PHACTR1: variants seen among roughly 807,000 people sequenced by gnomAD.
PHACTR1 encodes the protein RPEL repeat containing 1.
Under a neutral mutation model 69.2 loss-of-function variants are expected in PHACTR1, and 16 were observed. That is an observed-to-expected ratio of 0.23 (90% CI 0.16 to 0.35). The LOEUF is 0.35. PHACTR1 is among the 10% of genes least tolerant of loss of function. The probability of loss-of-function intolerance (pLI) is 1.00; values close to 1 mark genes in which losing one functional copy is unlikely to be tolerated. For missense variants in PHACTR1, 510 were observed against 734.7 expected (o/e 0.69, Z 3.54); for synonymous variants, 312 against 284.5 (o/e 1.10, Z -0.97).
chr6:13,199,383 CAAAAAAA>C (rs59070503), intron 7 of PHACTR1, among the ~76,000 whole-genome samples: 16 of 78,242 alleles, frequency 2.0e-4, no homozygotes, highest in Middle Eastern at 7.6e-3. Context: ...GAGTCCATCT[CAAAAAAA>C]AAAAAAAAAA....
intron 1 of PHACTR1, 72 bp downstream of exon 1, chr6:12,716,968 G>A (rs926909855): frequency 3.9e-5 from 6 of 151,942 alleles, no homozygotes; most frequent in African/African-American, 1.5e-4. Context: ...GCCGGGGATG[G>A]GGGTTGTGGG....
intron 4 of PHACTR1, among the ~76,000 whole-genome samples, chr6:12,781,153 C>A (rs781288303): frequency 6.6e-6 from 1 of 152,176 alleles, no homozygotes; most frequent in Non-Finnish European, 1.5e-5. Flanking sequence ...TCAATAAATT[C>A]TTTAAGTGGT....
At chr6:12,870,738 C>T (rs1318488005) in intron 4 of PHACTR1, among the ~76,000 whole-genome samples, 1 of 152,190 alleles carries the variant, frequency 6.6e-6, no homozygotes, top group Non-Finnish European at 1.5e-5. Flanking sequence ...CTAAGCCCAT[C>T]CTCATACTTC....
intron 4 of PHACTR1, among the ~76,000 whole-genome samples, chr6:13,017,002 C>G (rs1800271932): frequency 6.6e-6 from 1 of 152,066 alleles, no homozygotes; most frequent in Admixed American, 6.5e-5. Flanking sequence ...GCATGGCCCA[C>G]AGGATGAAAC....
At chr6:12,768,972 G>A (rs1769035010) in intron 4 of PHACTR1, among the ~76,000 whole-genome samples, 1 of 152,044 alleles carries the variant, frequency 6.6e-6, no homozygotes, top group African/African-American at 2.4e-5. Context: ...CAGAAGACAA[G>A]TATCAACATG....
At chr6:13,070,459 G>A (rs913355403) in intron 5 of PHACTR1, among the ~76,000 whole-genome samples, 31 of 152,202 alleles carry the variant, frequency 2.0e-4, no homozygotes, top group South Asian at 1.9e-3. Context: ...ATACCTGTTT[G>A]ATAGGTGAGG....
intron 4 of PHACTR1, among the ~76,000 whole-genome samples, chr6:12,758,468 A>T (rs989028678): frequency 4.0e-5 from 3 of 75,072 alleles, no homozygotes; most frequent in Non-Finnish European, 7.4e-5. Context: ...TCTCTTTCTA[A>T]AAAAAAAAAA....
intron 4 of PHACTR1, among the ~76,000 whole-genome samples, chr6:12,969,198 C>G (rs1454169750): frequency 6.6e-6 from 1 of 152,194 alleles, no homozygotes; most frequent in Non-Finnish European, 1.5e-5. Context: ...CACTGAGAAG[C>G]TCTGACCTGG....
intron 4 of PHACTR1, among the ~76,000 whole-genome samples, chr6:12,928,063 G>C (rs1004551401): frequency 7.1e-6 from 1 of 140,856 alleles, no homozygotes; most frequent in African/African-American, 3.2e-5. Context: ...AAGCCATGGA[G>C]CCCCTCTGTC....
chr6:13,043,680 C>T (rs1056138572), intron 4 of PHACTR1, among the ~76,000 whole-genome samples: 1 of 152,180 alleles, frequency 6.6e-6, no homozygotes, highest in Non-Finnish European at 1.5e-5. Flanking sequence ...TTTGGCTTAA[C>T]AGAAAGAGTT....
chr6:13,281,074 G>A (rs1780077226), intron 12 of PHACTR1: 3 of 1,289,604 alleles, frequency 2.3e-6, no homozygotes, highest in Non-Finnish European at 3.0e-6. Flanking sequence ...GAAAGACGGT[G>A]TCCAAGGCCC....
At chr6:13,204,838 C>G (rs1561990036) in intron 7 of PHACTR1, among the ~76,000 whole-genome samples, 1 of 152,200 alleles carries the variant, frequency 6.6e-6, no homozygotes, top group East Asian at 1.9e-4. Context: ...TTAAGGTTGG[C>G]AGCAGTAAAG....
chr6:12,723,793 A>T (rs570480020), intron 3 of PHACTR1, among the ~76,000 whole-genome samples: 1 of 152,104 alleles, frequency 6.6e-6, no homozygotes, highest in East Asian at 1.9e-4. Context: ...CACAACCTAA[A>T]TGCTAGAGTC....
chr6:12,832,832 G>A (rs900555269), intron 4 of PHACTR1, among the ~76,000 whole-genome samples: 2 of 152,078 alleles, frequency 1.3e-5, no homozygotes, highest in African/African-American at 2.4e-5. Context: ...AATAGACACG[G>A]GGTGTGGAAT....
At chr6:13,160,386 C>G in intron 6 of PHACTR1, 102 bp downstream of exon 6, 2 of 1,051,242 alleles carry the variant, frequency 1.9e-6, no homozygotes, top group Non-Finnish European at 3.0e-6. Flanking sequence ...CACCAGATAT[C>G]AGGATTTGAA....
At chr6:13,023,577 T>C (rs1008135422) in intron 4 of PHACTR1, among the ~76,000 whole-genome samples, 1 of 152,248 alleles carries the variant, frequency 6.6e-6, no homozygotes, top group Non-Finnish European at 1.5e-5. Flanking sequence ...TTTAGGACTG[T>C]GACATTCTGC....
intron 4 of PHACTR1, among the ~76,000 whole-genome samples, chr6:12,959,471 A>G (rs1301282265): frequency 6.6e-6 from 1 of 152,218 alleles, no homozygotes; most frequent in East Asian, 1.9e-4. Flanking sequence ...GTTTTTCACT[A>G]AAGCCCACAC....
chr6:13,095,876 A>T (rs1176667481), intron 5 of PHACTR1, among the ~76,000 whole-genome samples: 1 of 143,308 alleles, frequency 7.0e-6, no homozygotes, highest in African/African-American at 2.6e-5. Flanking sequence ...TTTATGTGTT[A>T]AGTCATGAAG....
At chr6:12,795,197 T>G (rs1343018503) in intron 4 of PHACTR1, among the ~76,000 whole-genome samples, 2 of 151,858 alleles carry the variant, frequency 1.3e-5, no homozygotes, top group African/African-American at 4.8e-5. Context: ...AAGAAATAAT[T>G]TACAAGATGA....
Sources: gnomAD v4.1 joint callset for allele counts (sites outside exome capture counted in the v4.1 genomes callset) on GRCh38, gnomAD v4.1.1 for gene constraint, MANE v1.5 for transcripts, NCBI Gene and HGNC (gene_info 2026-07-23, HGNC 2026-07-21) for gene names.